TMX4: variants seen among roughly 807,000 people sequenced by gnomAD.
The protein encoded by TMX4 is thioredoxin related transmembrane protein 4.
In TMX4, 23 loss-of-function variants were observed where a neutral mutation model predicts 33.3. The observed-to-expected ratio is 0.69, with a 90% CI of 0.50 to 0.98. TMX4 has a LOEUF of 0.98. Ranked by LOEUF, TMX4 falls within the 50% of genes least tolerant of loss-of-function variation. The probability of loss-of-function intolerance (pLI) is 0.00; values close to 1 mark genes in which losing one functional copy is unlikely to be tolerated. For missense variants in TMX4, 399 were observed against 448.9 expected (o/e 0.89, Z 1.01); for synonymous variants, 164 against 161.5 (o/e 1.02, Z -0.12).
At chr20:8,017,293 C>A (rs2050780109) in intron 1 of TMX4, among the ~76,000 whole-genome samples, 1 of 152,134 alleles carries the variant, frequency 6.6e-6, no homozygotes, top group Non-Finnish European at 1.5e-5. Context: ...CTGAAGTGCA[C>A]TCGATAAAAA....
intron 6 of TMX4, among the ~76,000 whole-genome samples, chr20:7,986,042 A>G (rs1051096536): frequency 6.6e-6 from 1 of 152,200 alleles, no homozygotes; most frequent in Admixed American, 6.5e-5. Flanking sequence ...AGAACCTCAC[A>G]CTATGGTAGC....
At chr20:7,983,975 C>T (rs753960277) in intron 6 of TMX4, 118 bp from the exon 7 acceptor site, 4 of 645,206 alleles carry the variant, frequency 6.2e-6, no homozygotes, top group Non-Finnish European at 1.1e-5. Context: ...AGCAGCTAGT[C>T]AAAAGTCTTC....
intron 5 of TMX4, among the ~76,000 whole-genome samples, chr20:7,994,944 G>T (rs771807655): frequency 2.3e-4 from 35 of 152,154 alleles, no homozygotes; most frequent in Non-Finnish European, 4.4e-4. Flanking sequence ...ATTAGTTATT[G>T]TTTATTGTGA....
chr20:7,998,920 C>G (rs2050689515), intron 4 of TMX4, among the ~76,000 whole-genome samples: 1 of 152,172 alleles, frequency 6.6e-6, no homozygotes, highest in African/African-American at 2.4e-5. Flanking sequence ...AACTATGATT[C>G]TCTGTACCTG....
In TMX4 at chr20:8,019,461, C is replaced by A; in HGVS notation, c.153G>T (p.Met51Ile). 1 of 1,518,650 alleles carries A rather than the reference C, an allele frequency of 6.6e-7. No homozygotes were observed. Among genetic ancestry groups the A allele is most frequent in the African/African-American group, 1.4e-5 (1 of 69,082 alleles). The allele number at this position is 1,518,650 out of a possible 1,614,324, so 94.1% of individuals were successfully genotyped here. ...PMTASNWTLV[M>I]EGEWMLKFYA... ...ACAATTTCAGCATCCACTCGCCCTC[C>A]ATCACCAGCGTCCAGTTGGAGGCGG... is the stretch of plus-strand genomic sequence containing the variant. The change falls in exon 1 of 8, where the codon ATG becomes ATT. Residue 51 changes from methionine to isoleucine, a missense_variant. Transcript: ENST00000246024.
chr20:8,019,022 T>G, intron 1 of TMX4: 1 of 453,022 alleles, frequency 2.2e-6, no homozygotes, highest in South Asian at 1.6e-5. Flanking sequence ...TCCTTTCTCT[T>G]CCAATACATA....
chr20:7,983,077 CACAG>C (rs1369749738), intron 7 of TMX4, among the ~76,000 whole-genome samples: 6 of 152,206 alleles, frequency 3.9e-5, no homozygotes, highest in Non-Finnish European at 8.8e-5. Context: ...GAATAAGCCA[CACAG>C]ACAGAGAAAC....
chr20:7,993,315 T>C (rs2050662799), intron 5 of TMX4, among the ~76,000 whole-genome samples: 2 of 152,208 alleles, frequency 1.3e-5, no homozygotes, highest in East Asian at 3.8e-4. Flanking sequence ...TTCTGTTCAT[T>C]ATTAATATAT....
chr20:8,006,922 C>T (rs2050733402), intron 2 of TMX4, among the ~76,000 whole-genome samples: 1 of 152,122 alleles, frequency 6.6e-6, no homozygotes, highest in African/African-American at 2.4e-5. Context: ...CCTGCCACCA[C>T]ACCCAGCTAA....
At chr20:8,015,963 C>T (rs1364477047) in intron 1 of TMX4, among the ~76,000 whole-genome samples, 3 of 152,156 alleles carry the variant, frequency 2.0e-5, no homozygotes, top group Non-Finnish European at 4.4e-5. Context: ...CAAAATTAAG[C>T]CACTTGGCTA....
chr20:7,982,926 G>A (rs2050615328), intron 7 of TMX4, among the ~76,000 whole-genome samples: 1 of 152,176 alleles, frequency 6.6e-6, no homozygotes, highest in Non-Finnish European at 1.5e-5. Flanking sequence ...ATTGGTCATG[G>A]TGATTGGTTC....
intron 7 of TMX4, among the ~76,000 whole-genome samples, chr20:7,983,511 C>T (rs2050617959): frequency 6.6e-6 from 1 of 152,022 alleles, no homozygotes; most frequent in Admixed American, 6.6e-5. Flanking sequence ...TCCCTTCTTC[C>T]CTTCTAGTTC....
chr20:7,986,988 G>A (rs931460628), intron 6 of TMX4, among the ~76,000 whole-genome samples: 3 of 146,318 alleles, frequency 2.1e-5, no homozygotes, highest in Non-Finnish European at 4.5e-5. Context: ...TGACTCAGTT[G>A]TCTTAGAAAC....
Position 7,983,809 on chromosome 20 carries a change from A to T in TMX4, c.664T>A (p.Leu222Ile), listed in dbSNP as rs781458166. 4 of 1,613,728 alleles carry T rather than the reference A, an allele frequency of 2.5e-6. No homozygotes were observed. In the South Asian group the frequency reaches 4.4e-5, roughly 18 times the overall value. ...TCGTACTTACCAGAACGCTCAGATA[A>T]ATGCCTTGGAAGTGGCACATAGAAA... ...ECFYVPLPRH[L>I]SERSEQNRRS... Residue 222 changes from leucine to isoleucine, a missense_variant, in exon 7 of 8, where the codon TTA (leucine) becomes ATA (isoleucine). Transcript: ENST00000246024.
rs1271503516 is a variant in TMX4 at position 8,008,118 on chromosome 20, AAATT to A, written c.292+2078_292+2081del. The stretch of plus-strand genomic sequence containing the variant: ...AGCATTAAATTTGTAATTCAAAGTA[AAATT>A]ATAAATTTAAAACAGTATAATATGA... On this transcript the variant is annotated intron_variant, in intron 2 of 7. Transcript: ENST00000246024. Among the ~76,000 whole-genome samples the A allele has an allele frequency of 4.6e-5, 7 of 152,228 alleles. No individual in the cohort carries two copies. The East Asian group carries it at 1.3e-3, about 29-fold the overall frequency.
At position 7,982,556 on chromosome 20, in the gene TMX4, C is replaced by G. The variant is rs756282519; in HGVS notation, c.745G>C (p.Asp249His). 19 of 1,613,946 alleles carry G rather than the reference C, an allele frequency of 1.2e-5. No homozygotes were observed. The highest frequency in any genetic ancestry group is 1.4e-5 in the Non-Finnish European group (17 of 1,179,996). Residue 249 changes from aspartate to histidine, a missense_variant, in exon 8 of 8, where the codon GAT (aspartate) becomes CAT (histidine). Physicochemically the swap from Asp to His is moderately conservative, Grantham distance 81. Transcript: ENST00000246024. The stretch of plus-strand genomic sequence containing the variant: ...TTGTTTTCTTCTTCATTTGAATCAT[C>G]TTTTTCCTCCTCCGCATCCTGCAAC... Reference protein sequence around the residue: ...EQLQDAEEEKDDSNEEENKDS... With the variant: ...EQLQDAEEEKHDSNEEENKDS...
intron 1 of TMX4, among the ~76,000 whole-genome samples, chr20:8,014,913 C>G (rs952525379): frequency 1.3e-5 from 2 of 152,178 alleles, no homozygotes; most frequent in Non-Finnish European, 2.9e-5. Flanking sequence ...GAACTGGGAA[C>G]TGCAGATCAG....
intron 5 of TMX4, among the ~76,000 whole-genome samples, chr20:7,993,322 A>G (rs1307635842): frequency 1.3e-5 from 2 of 152,146 alleles, no homozygotes; most frequent in East Asian, 3.8e-4. Context: ...CATTATTAAT[A>G]TATTTGCATT....
At chr20:7,988,389 T>C (rs956835817) in intron 5 of TMX4, among the ~76,000 whole-genome samples, 2 of 152,230 alleles carry the variant, frequency 1.3e-5, no homozygotes, top group Non-Finnish European at 2.9e-5. Context: ...GGTTTCTTAG[T>C]TTATGTCAAT....
Sources: allele counts gnomAD v4.1 joint callset (sites outside exome capture counted in the v4.1 genomes callset), GRCh38; gene constraint gnomAD v4.1.1; transcripts MANE v1.5; gene names NCBI Gene and HGNC (gene_info 2026-07-23, HGNC 2026-07-21).